The following NAA35 variants were observed in gnomAD, a reference collection of about 807,000 sequenced individuals.
The protein encoded by NAA35 is N-alpha-acetyltransferase 35, NatC auxiliary subunit.
Under a neutral mutation model 101.7 loss-of-function variants are expected in NAA35, and 18 were observed. That is an observed-to-expected ratio of 0.18 (90% CI 0.12 to 0.26). NAA35 has a LOEUF of 0.26. NAA35 is among the 10% of genes least tolerant of loss of function. NAA35 has a pLI of 1.00. For synonymous variants in NAA35, 267 were observed against 273.1 expected, an observed-to-expected ratio of 0.98 and a Z score of 0.22; for missense variants, 601 against 886.8, an observed-to-expected ratio of 0.68 and a Z score of 4.09.
chr9:86,008,349 A>G (rs546055424), intron 14 of NAA35, among the ~76,000 whole-genome samples: 9 of 152,348 alleles, frequency 5.9e-5, no homozygotes, highest in African/African-American at 1.9e-4. Context: ...GGCTTGAGCC[A>G]CTGCACCGGC....
intron 12 of NAA35, among the ~76,000 whole-genome samples, chr9:86,003,208 G>C (rs1831491004): frequency 6.6e-6 from 1 of 152,110 alleles, no homozygotes. Flanking sequence ...TTTCCCTATA[G>C]TCAGCAACAA....
intron 3 of NAA35, among the ~76,000 whole-genome samples, chr9:85,957,247 G>A (rs1328157699): frequency 6.6e-6 from 1 of 152,184 alleles, no homozygotes; most frequent in African/African-American, 2.4e-5. Context: ...AAAAGAAAAT[G>A]TAATGAAGAA....
intron 11 of NAA35, among the ~76,000 whole-genome samples, chr9:85,990,397 A>G (rs948689246): frequency 1.3e-5 from 2 of 152,170 alleles, no homozygotes; most frequent in African/African-American, 4.8e-5. Flanking sequence ...CATCCAAACC[A>G]TAGCAATGAC....
At chr9:85,975,267 A>AT (rs534521526) in intron 8 of NAA35, 110 bp downstream of exon 8, 8,324 of 978,352 alleles carry the variant, frequency 8.5e-3, no homozygotes, top group South Asian at 0.011. Flanking sequence ...TGTGCTTTGT[A>AT]TTTTTTTTTT....
rs1226220192 is a variant in NAA35 at position 86,008,921 on chromosome 9, AT to A, written c.1224-941del. Among the ~76,000 whole-genome samples, 15 of 152,242 alleles carry A rather than the reference AT, an allele frequency of 9.9e-5. No homozygotes were observed. In the East Asian group the frequency reaches 2.7e-3, roughly 27 times the overall value. ...AAAGACTCAGGTTTTTAGTCAGATC[AT>A]TTGTCCCTGTTATTACTTATTTATT... On this transcript the variant is annotated intron_variant, in intron 14 of 22. Transcript: ENST00000361671.
Position 85,958,475 on chromosome 9 carries a change from T to C in NAA35, c.162T>C (p.Phe54=), listed in dbSNP as rs1370767013. 2 of 1,597,028 alleles carry C rather than the reference T, an allele frequency of 1.3e-6. No individual in the cohort carries two copies. The highest frequency in any genetic ancestry group is 1.1e-5 in the South Asian group (1 of 88,212). ...KLGELLHDKL[F]GLFEAMSAIE... is the part of the protein sequence containing the mutation. ...GGCTCAATTTTTTTATTTGCAGATT[T>C]GGTCTTTTTGAAGCCATGTCTGCTA... Residue 54 remains phenylalanine, a synonymous_variant, in exon 4 of 23, where the codon TTT becomes TTC. Transcript: ENST00000361671.
chr9:85,995,968 G>A (rs1032301455), intron 11 of NAA35, among the ~76,000 whole-genome samples: 13 of 152,174 alleles, frequency 8.5e-5, no homozygotes, highest in African/African-American at 2.4e-4. Context: ...ATATAGCTAA[G>A]TTTGAATGGA....
rs770712466 is a variant in NAA35 at position 85,978,231 on chromosome 9, A to C, written c.763-36A>C. On this transcript the variant is annotated intron_variant, in intron 10 of 22. Coordinates refer to ENST00000361671, the MANE Select transcript of NAA35 (RefSeq NM_024635.4). ...TTTAATGTATATCTTTCAGTGAAAG[A>C]ATATGTAAGAATGTTTTTGGTGATT... 2.5e-6 allele frequency: 3 copies of C among 1,213,398 alleles called. No homozygotes were observed. In the East Asian group the frequency reaches 7.0e-5, roughly 28 times the overall value. The allele number at this position is 1,213,398 out of a possible 1,614,324, so 75.2% of individuals were successfully genotyped here. A position where few individuals can be genotyped will look rare whatever the true frequency, so the allele number is the denominator to read the frequency against.
At chr9:85,961,901 G>A (rs1404579875) in intron 5 of NAA35, 112 bp from the exon 6 acceptor site, 1 of 661,768 alleles carries the variant, frequency 1.5e-6, no homozygotes, top group Admixed American at 3.7e-5. Context: ...TTTAAGTCTT[G>A]TGATTAATCT....
intron 6 of NAA35, among the ~76,000 whole-genome samples, chr9:85,968,323 G>T (rs1246037977): frequency 6.6e-6 from 1 of 152,168 alleles, no homozygotes; most frequent in Admixed American, 6.6e-5. Flanking sequence ...CCATTCTCCT[G>T]CCTCAGCCTC....
rs374045703 is a variant in NAA35 at position 85,975,170 on chromosome 9, T to C, written c.627+13T>C. 3.1e-6 allele frequency: 5 copies of C among 1,611,772 alleles called. No homozygotes were observed. In the African/African-American group the frequency reaches 6.7e-5, roughly 22 times the overall value. ...AAGAAGAGTAAAGGTATATATGTTT[T>C]CTGTTTGGTGTGGGGTTTTGGTACA... On this transcript the variant is annotated intron_variant, in intron 8 of 22. Coordinates refer to ENST00000361671, the MANE Select transcript of NAA35 (RefSeq NM_024635.4).
intron 6 of NAA35, 29 bp from the exon 7 acceptor site, chr9:85,974,938 A>C: frequency 6.4e-7 from 1 of 1,553,968 alleles, no homozygotes; most frequent in South Asian, 1.1e-5. Context: ...TTTGCTATTC[A>C]TGAGCCTGAT....
intron 6 of NAA35, among the ~76,000 whole-genome samples, chr9:85,969,926 C>G (rs1344668340): frequency 1.3e-5 from 2 of 151,332 alleles, no homozygotes; most frequent in Non-Finnish European, 2.9e-5. Flanking sequence ...TCTCTCTGCT[C>G]TAGTCAGGCT....
chr9:85,961,876 A>G, intron 5 of NAA35, 137 bp from the exon 6 acceptor site: 1 of 577,978 alleles, frequency 1.7e-6, no homozygotes, highest in Admixed American at 3.7e-5. Flanking sequence ...AGTGAATTCT[A>G]ACGTGTCTTT....
intron 11 of NAA35, among the ~76,000 whole-genome samples, chr9:85,989,306 A>C (rs928654041): frequency 2.0e-5 from 3 of 152,082 alleles, no homozygotes; most frequent in Admixed American, 6.5e-5. Flanking sequence ...CCCTGTCTGT[A>C]ATAAAAATAG....
At chr9:86,006,394 A>C (rs1483861532) in intron 13 of NAA35, among the ~76,000 whole-genome samples, 1 of 152,228 alleles carries the variant, frequency 6.6e-6, no homozygotes, top group East Asian at 1.9e-4. Flanking sequence ...AAAAACAGAC[A>C]ACCCAAATGT....
chr9:86,007,270 A>T, intron 13 of NAA35, 88 bp from the exon 14 acceptor site: 1 of 890,708 alleles, frequency 1.1e-6, no homozygotes, highest in Non-Finnish European at 1.8e-6. Flanking sequence ...TCACTTGCGT[A>T]GTCTGTGGCA....
chr9:86,017,242 T>C (rs1490730349), intron 18 of NAA35, among the ~76,000 whole-genome samples: 4 of 152,216 alleles, frequency 2.6e-5, no homozygotes, highest in African/African-American at 4.8e-5. Context: ...ATATAAGAGG[T>C]TAAATCTCTG....
In NAA35 at chr9:85,980,263, C is replaced by T. The variant is rs969597838; in HGVS notation, c.877+1882C>T. ...TGAACTGTGTCCTCCTGAATTTTTA[C>T]AGAAGTTTCCTTACATAGGCATGAT... On this transcript the variant is annotated intron_variant, in intron 11 of 22. Transcript: ENST00000361671. Among the ~76,000 whole-genome samples the T allele has an allele frequency of 1.5e-3, 222 of 152,084 alleles. 2 individuals carry two copies. Among genetic ancestry groups the T allele is most frequent in the African/African-American group, 5.2e-3 (215 of 41,388 alleles).
Sources: allele counts gnomAD v4.1 joint callset (sites outside exome capture counted in the v4.1 genomes callset), GRCh38; gene constraint gnomAD v4.1.1; transcripts MANE v1.5; gene names NCBI Gene and HGNC (gene_info 2026-07-23, HGNC 2026-07-21).